Variants in TRIM38 observed in about 807,000 individuals in gnomAD.
The protein encoded by TRIM38 is tripartite motif containing 38.
In TRIM38, 35 loss-of-function variants were observed where a neutral mutation model predicts 35.8. The ratio of observed to expected loss-of-function variants is 0.98; its 90% confidence interval spans 0.75 to 1.30. TRIM38 has a LOEUF of 1.30. Ranked by LOEUF, TRIM38 falls within the 50% of genes most tolerant of loss-of-function variation. TRIM38 has a pLI of 0.00. For synonymous variants in TRIM38, 198 were observed against 204.7 expected (o/e 0.97, Z 0.28); for missense variants, 545 against 556.9 (o/e 0.98, Z 0.21).
intron 2 of TRIM38, among the ~76,000 whole-genome samples, chr6:25,964,961 A>T (rs1048346414): frequency 1.3e-5 from 2 of 151,992 alleles, no homozygotes. Flanking sequence ...ACAGGTGTGC[A>T]CCACCACATC....
Position 25,989,492 on chromosome 6 carries a change from T to C in TRIM38, c.*5805T>C, listed in dbSNP as rs925263228. 1 of 151,360 alleles carries C rather than the reference T, an allele frequency of 6.6e-6. No individual in the cohort carries two copies. Among genetic ancestry groups the C allele is most frequent in the Non-Finnish European group, 1.5e-5 (1 of 67,894 alleles). 9.4% of individuals were successfully genotyped at this position (151,360 alleles called of 1,614,324 possible). A position where few individuals can be genotyped will look rare whatever the true frequency, so the allele number is the denominator to read the frequency against. ...TTGAATTAATTGATCTTTGCTATTG[T>C]TAGCAAGGTCTTGTATTCTTTTTTT... On this transcript the variant is annotated 3_prime_UTR_variant, in exon 8 of 8. Transcript: ENST00000357085.
chr6:25,971,763 T>C, intron 4 of TRIM38, 106 bp from the exon 5 acceptor site: 3 of 960,910 alleles, frequency 3.1e-6, no homozygotes, highest in Non-Finnish European at 4.7e-6. Context: ...TCTTCAAGGC[T>C]TGTCATGTAG....
rs1377807409 is a variant in TRIM38, at chr6:25,987,206, G to GCCCC, written c.*3522_*3525dup. ...TAAAAGCTTAACAAAGGTACTCCCC[G>GCCCC]CCCCCCGCCCGCCACACACCATCCC... On this transcript the variant is annotated 3_prime_UTR_variant, in exon 8 of 8. Transcript: ENST00000357085. 7 of 76,494 alleles carry GCCCC rather than the reference G, an allele frequency of 9.2e-5. No homozygotes were observed. The highest frequency in any genetic ancestry group is 2.8e-4 in the African/African-American group (6 of 21,186). The allele number at this position is 76,494 out of a possible 1,614,324, so 4.7% of individuals were successfully genotyped here. A position where few individuals can be genotyped will look rare whatever the true frequency, so the allele number is the denominator to read the frequency against.
rs1338866964 is a variant in TRIM38, at chr6:25,986,253, A to T, written c.*2566A>T. The T allele has an allele frequency of 6.6e-6, 1 of 152,234 alleles. No homozygotes were observed. The highest frequency in any genetic ancestry group is 2.4e-5 in the African/African-American group (1 of 41,466). The allele number at this position is 152,234 out of a possible 1,614,324, so 9.4% of individuals were successfully genotyped here. On this transcript the variant is annotated 3_prime_UTR_variant, in exon 8 of 8. Transcript: ENST00000357085. ...TCAGACACTTACAGAGCAGCCAGGCATGGTGGCTCACACCTGTAATCCTGT... is the reference window on the plus strand; with the variant it reads ...TCAGACACTTACAGAGCAGCCAGGCTTGGTGGCTCACACCTGTAATCCTGT...
rs766179227 is a variant in TRIM38 at position 25,988,640 on chromosome 6, C to G, written c.*4953C>G. On this transcript the variant is annotated 3_prime_UTR_variant, in exon 8 of 8. Coordinates refer to ENST00000357085, the MANE Select transcript of TRIM38 (RefSeq NM_006355.5). ...TCCCGAGTAGCTGGGATTACAGGCT[C>G]ACGCCACTATGCCCGGCTAATTGGG... 1 of 151,742 alleles carries G rather than the reference C, an allele frequency of 6.6e-6. No homozygotes were observed. Among genetic ancestry groups the G allele is most frequent in the African/African-American group, 2.4e-5 (1 of 41,288 alleles). 9.4% of individuals were successfully genotyped at this position (151,742 alleles called of 1,614,324 possible).
Position 25,983,560 on chromosome 6 carries a change from C to A in TRIM38, c.1271C>A (p.Ser424Tyr). ...CTGGACTATGAGGCCGGAGTTGTAT[C>A]CTTTTATAACGGGAATACTGGCTGC... ...IFLDYEAGVV[S>Y]FYNGNTGCHI... Residue 424 changes from serine to tyrosine, a missense_variant, in exon 8 of 8, where the codon TCC becomes TAC. Transcript: ENST00000357085. 1 of 1,614,064 alleles carries A rather than the reference C, an allele frequency of 6.2e-7. No homozygotes were observed. The highest frequency in any genetic ancestry group is 8.5e-7 in the Non-Finnish European group (1 of 1,180,020).
At position 25,988,386 on chromosome 6, in the gene TRIM38, T is replaced by C. The variant is rs936364710; in HGVS notation, c.*4699T>C. On this transcript the variant is annotated 3_prime_UTR_variant, in exon 8 of 8. Transcript: ENST00000357085. ...CCCTGCATCAGTTGGAGTCATATAG[T>C]ATGCAGTCTTTTCAGGTTGGCTTTT... 1 of 152,148 alleles carries C rather than the reference T, an allele frequency of 6.6e-6. No individual in the cohort carries two copies. Among genetic ancestry groups the C allele is most frequent in the Non-Finnish European group, 1.5e-5 (1 of 68,040 alleles). 9.4% of individuals were successfully genotyped at this position (152,148 alleles called of 1,614,324 possible). A position where few individuals can be genotyped will look rare whatever the true frequency, so the allele number is the denominator to read the frequency against.
At chr6:25,977,324 G>C (rs1444873040) in intron 7 of TRIM38, among the ~76,000 whole-genome samples, 6 of 152,154 alleles carry the variant, frequency 3.9e-5, no homozygotes, top group Admixed American at 3.9e-4. Flanking sequence ...GCTGCAGTAA[G>C]CTATGATCAC....
At chr6:25,973,931 C>G in intron 7 of TRIM38, 1 of 948,634 alleles carries the variant, frequency 1.1e-6, no homozygotes, top group Non-Finnish European at 1.3e-6. Context: ...ATCAAAAAAA[C>G]CCCTGAAAAT....
chr6:25,974,942 T>A (rs1187695694), intron 7 of TRIM38: 1 of 985,230 alleles, frequency 1.0e-6, no homozygotes, highest in Non-Finnish European at 1.2e-6. Flanking sequence ...TAAGTTTTGC[T>A]GGGATTTCAC....
chr6:25,969,406 A>G lies in TRIM38; in HGVS notation c.493A>G (p.Ile165Val). The change falls in exon 4 of 8, where the codon ATA becomes GTA. Residue 165 changes from isoleucine (I) to valine (V), a missense_variant. Coordinates refer to ENST00000357085, the MANE Select transcript of TRIM38 (RefSeq NM_006355.5). ...GCAGAAGCTGTCCACAGCAATGCGA[A>G]TAACTAAATGGAAAGTAAGAATCTG... ...TEQKLSTAMR[I>V]TKWKEKVQIQ... 1 of 1,608,662 alleles carries G rather than the reference A, an allele frequency of 6.2e-7. No individual in the cohort carries two copies. The highest frequency in any genetic ancestry group is 8.5e-7 in the Non-Finnish European group (1 of 1,177,268).
intron 2 of TRIM38, among the ~76,000 whole-genome samples, chr6:25,965,721 C>T (rs1187228373): frequency 8.5e-5 from 7 of 81,942 alleles, no homozygotes; most frequent in Admixed American, 2.3e-4. Flanking sequence ...GTCAAGAGAT[C>T]GAGCCAACCA....
chr6:25,980,742 C>T (rs930123080), intron 7 of TRIM38, among the ~76,000 whole-genome samples: 1 of 152,180 alleles, frequency 6.6e-6, no homozygotes, highest in African/African-American at 2.4e-5. Flanking sequence ...CTTAATAATG[C>T]TCTGACTTAA....
chr6:25,962,997 G>A (rs950084288), intron 1 of TRIM38, 52 bp from the exon 2 acceptor site: 32 of 152,636 alleles, frequency 2.1e-4, no homozygotes, highest in Admixed American at 1.7e-3. Context: ...AAATGGTCAG[G>A]ACTTTCTTTG....
At chr6:25,969,133 C>G (rs1309486011) in intron 3 of TRIM38, among the ~76,000 whole-genome samples, 192 bp from the exon 4 acceptor site, 1 of 152,190 alleles carries the variant, frequency 6.6e-6, no homozygotes, top group Non-Finnish European at 1.5e-5. Flanking sequence ...ATCCTACCAA[C>G]TATTCAGGGT....
chr6:25,988,080 A>G lies in TRIM38; in HGVS notation c.*4393A>G, dbSNP rs1286857366. 6.6e-6 allele frequency: 1 copy of G among 152,226 alleles called. No individual in the cohort carries two copies. Among genetic ancestry groups the G allele is most frequent in the Non-Finnish European group, 1.5e-5 (1 of 68,046 alleles). 9.4% of individuals were successfully genotyped at this position (152,226 alleles called of 1,614,324 possible). On this transcript the variant is annotated 3_prime_UTR_variant, in exon 8 of 8. Transcript: ENST00000357085. ...TTCGTTGCCATGGCAACAACAGGACATTATCGACTTCTTTCCTCTGTACCT... is the reference window on the plus strand; with the variant it reads ...TTCGTTGCCATGGCAACAACAGGACGTTATCGACTTCTTTCCTCTGTACCT...
At chr6:25,979,696 T>C (rs961913246) in intron 7 of TRIM38, among the ~76,000 whole-genome samples, 2 of 151,812 alleles carry the variant, frequency 1.3e-5, no homozygotes, top group African/African-American at 4.8e-5. Flanking sequence ...TTAACTTCAC[T>C]GTTATATTGT....
At position 25,971,891 on chromosome 6, in the gene TRIM38, AAAAAAT is replaced by A. The variant is rs754386890; in HGVS notation, c.531_536del (p.Gln177_Ile179delinsHis). ...CAGGAGAAGGTACAGATTCAGAGACAAAAAATCCGGTCTGACTTTAAGAATCTCCAG... is the reference window on the plus strand; with the variant it reads ...CAGGAGAAGGTACAGATTCAGAGACACCGGTCTGACTTTAAGAATCTCCAG... On this transcript the variant is annotated inframe_deletion, in exon 5 of 8. Transcript: ENST00000357085. The A allele has an allele frequency of 6.2e-7, 1 of 1,614,150 alleles. No individual in the cohort carries two copies. Among genetic ancestry groups the A allele is most frequent in the Non-Finnish European group, 8.5e-7 (1 of 1,179,966 alleles).
chr6:25,969,289 AT>A (rs1202022196), intron 3 of TRIM38, 35 bp from the exon 4 acceptor site: 3 of 1,542,222 alleles, frequency 1.9e-6, no homozygotes, highest in East Asian at 4.5e-5. Flanking sequence ...GAAGAGTCAA[AT>A]TGAATAGGCT....
Sources: gnomAD v4.1 joint callset for allele counts (sites outside exome capture counted in the v4.1 genomes callset) on GRCh38, gnomAD v4.1.1 for gene constraint, MANE v1.5 for transcripts, NCBI Gene and HGNC (gene_info 2026-07-23, HGNC 2026-07-21) for gene names.